CFTR: variants seen among roughly 807,000 people sequenced by gnomAD.
CFTR encodes the protein cystic fibrosis transmembrane conductance regulator.
A neutral mutation model predicts 171.6 loss-of-function variants in CFTR; 181 were observed. The ratio of observed to expected loss-of-function variants is 1.05; its 90% confidence interval spans 0.93 to 1.19. The LOEUF is 1.19. Ranked by LOEUF, CFTR falls within the 50% of genes most tolerant of loss-of-function variation. The pLI, the probability that CFTR is intolerant of heterozygous loss-of-function variation, is 0.00. For synonymous variants in CFTR, 583 were observed against 608.0 expected, an observed-to-expected ratio of 0.96 and a Z score of 0.60; for missense variants, 1,968 against 1,734.7, an observed-to-expected ratio of 1.13 and a Z score of -2.39.
At chr7:117,630,006 G>T (rs1422785793) in intron 22 of CFTR, among the ~76,000 whole-genome samples, 1 of 152,180 alleles carries the variant, frequency 6.6e-6, no homozygotes, top group African/African-American at 2.4e-5. Flanking sequence ...CAGAAAACAT[G>T]GGGCAGGGGA....
chr7:117,530,023 A>G (rs1436600917), intron 3 of CFTR, among the ~76,000 whole-genome samples: 2 of 152,166 alleles, frequency 1.3e-5, no homozygotes, highest in African/African-American at 2.4e-5. Flanking sequence ...AAATCCCTGG[A>G]TTCAGATCTA....
chr7:117,600,401 A>G (rs1421266288), intron 15 of CFTR, among the ~76,000 whole-genome samples: 1 of 152,050 alleles, frequency 6.6e-6, no homozygotes, highest in Non-Finnish European at 1.5e-5. Context: ...AAACAACTAG[A>G]GAGTCTTGTT....
At chr7:117,564,989 C>A (rs2115955634) in intron 11 of CFTR, among the ~76,000 whole-genome samples, 1 of 152,340 alleles carries the variant, frequency 6.6e-6, no homozygotes, top group East Asian at 1.9e-4. Flanking sequence ...TCAGATTCTT[C>A]ACCTTCAGTC....
At chr7:117,590,463 T>A in intron 13 of CFTR, 24 bp downstream of exon 13, 2 of 1,591,668 alleles carry the variant, frequency 1.3e-6, no homozygotes, top group East Asian at 4.5e-5. Flanking sequence ...ATACCTTACT[T>A]ATAATGCTCA....
At chr7:117,484,563 T>C (rs1057471747) in intron 1 of CFTR, among the ~76,000 whole-genome samples, 1 of 152,192 alleles carries the variant, frequency 6.6e-6, no homozygotes, top group African/African-American at 2.4e-5. Flanking sequence ...GACCATGTTT[T>C]GTTATTACAC....
Position 117,591,940 on chromosome 7 carries a change from C to A in CFTR, c.1773C>A (p.Val591=). 6.3e-7 allele frequency: 1 copy of A among 1,575,258 alleles called. No homozygotes were observed. Among genetic ancestry groups the A allele is most frequent in the South Asian group, 1.2e-5 (1 of 85,364 alleles). ...ATGTTTTTATATCTTAAAGCTGTGTCTGTAAACTGATGGCTAACAAAACTA... is the reference window on the plus strand; with the variant it reads ...ATGTTTTTATATCTTAAAGCTGTGTATGTAAACTGATGGCTAACAAAACTA... The part of the protein sequence containing the change: ...LTEKEIFESC[V]CKLMANKTRI... Residue 591 remains valine (V), a synonymous_variant, in exon 14 of 27, where the codon GTC becomes GTA. Coordinates refer to ENST00000003084, the MANE Select transcript of CFTR (RefSeq NM_000492.4).
intron 24 of CFTR, among the ~76,000 whole-genome samples, chr7:117,661,797 G>A (rs943635562): frequency 4.6e-5 from 7 of 151,954 alleles, no homozygotes; most frequent in African/African-American, 1.7e-4. Flanking sequence ...GGTAATCCTT[G>A]TAACAACCCT....
intron 9 of CFTR, among the ~76,000 whole-genome samples, chr7:117,548,088 C>T (rs551478932): frequency 6.6e-6 from 1 of 152,250 alleles, no homozygotes; most frequent in African/African-American, 2.4e-5. Flanking sequence ...ATCTGGCAAT[C>T]TCTTCATATT....
intron 1 of CFTR, among the ~76,000 whole-genome samples, chr7:117,502,974 C>T (rs1798356028): frequency 6.6e-6 from 1 of 152,100 alleles, no homozygotes; most frequent in Admixed American, 6.6e-5. Context: ...GAACCCAGGG[C>T]AGGTGCCTAC....
At position 117,592,348 on chromosome 7, in the gene CFTR, T is replaced by C. The variant is rs1792043547; in HGVS notation, c.2181T>C (p.Asp727=). 1 of 1,614,200 alleles carries C rather than the reference T, an allele frequency of 6.2e-7. No homozygotes were observed. Among genetic ancestry groups the C allele is most frequent in the East Asian group, 2.2e-5 (1 of 44,890 alleles). ...TACAAATGAATGGCATCGAAGAGGA[T>C]TCTGATGAGCCTTTAGAGAGAAGGC... ...TPLQMNGIEE[D]SDEPLERRLS... The change falls in exon 14 of 27, where the codon GAT becomes GAC. Residue 727 remains aspartate (D), a synonymous_variant. Coordinates refer to ENST00000003084, the MANE Select transcript of CFTR (RefSeq NM_000492.4).
At chr7:117,503,554 C>T (rs183854928) in intron 1 of CFTR, among the ~76,000 whole-genome samples, 29 of 152,248 alleles carry the variant, frequency 1.9e-4, no homozygotes, top group Non-Finnish European at 2.6e-4. Flanking sequence ...ACTACGGTAT[C>T]CTGCATAGTG....
chr7:117,529,621 C>T (rs1798822689), intron 3 of CFTR, among the ~76,000 whole-genome samples: 1 of 151,548 alleles, frequency 6.6e-6, no homozygotes, highest in Non-Finnish European at 1.5e-5. Flanking sequence ...TGAGCAGCTA[C>T]ACAAAGCTGC....
At chr7:117,501,747 C>CAAAAAAAAAAAAAAAAAAA (rs1212853305) in intron 1 of CFTR, among the ~76,000 whole-genome samples, 9 of 43,878 alleles carry the variant, frequency 2.1e-4, no homozygotes, top group Non-Finnish European at 3.8e-4. Context: ...AACTCTGTCT[C>CAAAAAAAAAAAAAAAAAAA]AAAAAAAAAA....
intron 3 of CFTR, among the ~76,000 whole-genome samples, chr7:117,524,415 A>G (rs1175821218): frequency 6.6e-6 from 1 of 152,054 alleles, no homozygotes. Context: ...AAACCAAATC[A>G]AAGTAAATTG....
At chr7:117,545,241 C>T (rs1799120175) in intron 9 of CFTR, among the ~76,000 whole-genome samples, 1 of 152,166 alleles carries the variant, frequency 6.6e-6, no homozygotes, top group African/African-American at 2.4e-5. Context: ...ATAGGATGGG[C>T]AAGACCCTCC....
chr7:117,558,348 A>T (rs1799395190), intron 10 of CFTR, among the ~76,000 whole-genome samples: 1 of 151,864 alleles, frequency 6.6e-6, no homozygotes, highest in Non-Finnish European at 1.5e-5. Flanking sequence ...AGGTTAGGAG[A>T]TCAAGACCAT....
At chr7:117,518,392 TATA>T (rs916750625) in intron 3 of CFTR, among the ~76,000 whole-genome samples, 8 of 146,708 alleles carry the variant, frequency 5.5e-5, no homozygotes, top group African/African-American at 7.4e-5. Flanking sequence ...CTATAAATAA[TATA>T]ATAATTTATA....
chr7:117,512,792 TATG>T (rs1383646820), intron 3 of CFTR, among the ~76,000 whole-genome samples: 7 of 152,132 alleles, frequency 4.6e-5, no homozygotes, highest in African/African-American at 1.2e-4. Flanking sequence ...ATGCATTTAT[TATG>T]ATAAGAAATT....
chr7:117,561,969 G>A (rs759734004), intron 11 of CFTR, among the ~76,000 whole-genome samples: 2 of 152,140 alleles, frequency 1.3e-5, no homozygotes, highest in African/African-American at 2.4e-5. Flanking sequence ...ATTAAGAGCT[G>A]CCAATAAAGT....
Sources: gnomAD v4.1 joint callset for allele counts (sites outside exome capture counted in the v4.1 genomes callset) on GRCh38, gnomAD v4.1.1 for gene constraint, MANE v1.5 for transcripts, NCBI Gene and HGNC (gene_info 2026-07-23, HGNC 2026-07-21) for gene names.